The following AKT3 variants were observed in gnomAD, a reference collection of about 807,000 sequenced individuals.
AKT3 encodes the protein RAC-gamma serine/threonine-protein kinase.
AKT3 carries 15 observed loss-of-function variants against 65.3 expected under a neutral mutation model. That is an observed-to-expected ratio of 0.23 (90% CI 0.15 to 0.35). The LOEUF is 0.35. Among genes scored for constraint, AKT3 ranks in the 10% least tolerant of loss-of-function variants. AKT3 has a pLI of 1.00. For missense variants in AKT3, 243 were observed against 576.5 expected, an observed-to-expected ratio of 0.42 and a Z score of 5.92; for synonymous variants, 206 against 183.8, an observed-to-expected ratio of 1.12 and a Z score of -0.98.
chr1:243,742,265 T>A (rs990938042), intron 2 of AKT3, among the ~76,000 whole-genome samples: 1 of 152,100 alleles, frequency 6.6e-6, no homozygotes, highest in Admixed American at 6.5e-5. Flanking sequence ...AAAATTTTTT[T>A]AAAAAAGCAA....
At chr1:243,660,362 A>G (rs1212629591) in intron 4 of AKT3, among the ~76,000 whole-genome samples, 3 of 152,200 alleles carry the variant, frequency 2.0e-5, no homozygotes, top group African/African-American at 7.2e-5. Flanking sequence ...CTTATCCACC[A>G]TGATCAAGTG....
chr1:243,641,768 C>A (rs1196289774), intron 5 of AKT3, among the ~76,000 whole-genome samples: 2 of 151,886 alleles, frequency 1.3e-5, no homozygotes, highest in African/African-American at 2.4e-5. Flanking sequence ...AACCCTGTCT[C>A]TACAAAAAAA....
At chr1:243,665,372 C>G (rs533295535) in intron 3 of AKT3, among the ~76,000 whole-genome samples, 1 of 152,260 alleles carries the variant, frequency 6.6e-6, no homozygotes, top group South Asian at 2.1e-4. Flanking sequence ...GACTATCTTA[C>G]AGTATTACTT....
intron 8 of AKT3, among the ~76,000 whole-genome samples, chr1:243,575,281 T>C (rs1351394253): frequency 6.6e-6 from 1 of 152,152 alleles, no homozygotes; most frequent in African/African-American, 2.4e-5. Context: ...AGTTTCTACT[T>C]TGGCTCTGAA....
In AKT3 at chr1:243,677,604, G is replaced by A. The variant is rs895799733; in HGVS notation, c.173-12721C>T. On this transcript the variant is annotated intron_variant, in intron 3 of 13. Transcript: ENST00000673466. ...TCCTAATCATATTTTTGATTTTGGA[G>A]CAACAGCTCTAATACTTGAGATATT... is the stretch of plus-strand genomic sequence containing the variant. Among the ~76,000 whole-genome samples the A allele has an allele frequency of 1.2e-4, 18 of 151,948 alleles. 1 individual carries two copies. The highest frequency in any genetic ancestry group is 4.3e-4 in the African/African-American group (18 of 41,452).
At chr1:243,649,954 G>C (rs1452212389) in intron 4 of AKT3, among the ~76,000 whole-genome samples, 1 of 152,142 alleles carries the variant, frequency 6.6e-6, no homozygotes, top group African/African-American at 2.4e-5. Flanking sequence ...AGGTCAAATG[G>C]TATTTCTAGT....
At chr1:243,499,712 A>T, downstream of AKT3, 1 of 1,465,266 alleles carries the variant, frequency 6.8e-7, no homozygotes, top group Non-Finnish European at 9.6e-7. Context: ...AATAACATTG[A>T]AGAACATGAG....
At chr1:243,824,994 A>G (rs544749265) in intron 2 of AKT3, among the ~76,000 whole-genome samples, 2 of 152,312 alleles carry the variant, frequency 1.3e-5, no homozygotes, top group African/African-American at 4.8e-5. Context: ...AAAGACATGG[A>G]ATCAACCCAA....
intron 8 of AKT3, among the ~76,000 whole-genome samples, chr1:243,601,798 G>A (rs1558645362): frequency 1.3e-5 from 2 of 152,136 alleles, no homozygotes; most frequent in African/African-American, 4.8e-5. Context: ...AGTGAAAAAT[G>A]GAGAACACAA....
intron 4 of AKT3, among the ~76,000 whole-genome samples, chr1:243,650,047 C>G (rs1471667540): frequency 6.6e-6 from 1 of 152,168 alleles, no homozygotes; most frequent in African/African-American, 2.4e-5. Flanking sequence ...AATAGCATTC[C>G]TATTTCTCCA....
intron 2 of AKT3, among the ~76,000 whole-genome samples, chr1:243,757,584 C>G (rs1358043520): frequency 1.3e-5 from 2 of 152,018 alleles, no homozygotes; most frequent in East Asian, 1.9e-4. Flanking sequence ...TGCCACTGCA[C>G]TCCAGCCCAG....
At chr1:243,663,783 G>T (rs11578053) in intron 4 of AKT3, among the ~76,000 whole-genome samples, 3,135 of 152,220 alleles carry the variant, frequency 0.021, 55 homozygotes, top group Admixed American at 0.035. Context: ...TGCTGATTAG[G>T]ATCAAATATA....
chr1:243,681,312 A>G (rs1572160788), intron 3 of AKT3, among the ~76,000 whole-genome samples: 1 of 152,226 alleles, frequency 6.6e-6, no homozygotes, highest in African/African-American at 2.4e-5. Context: ...TTACTATACT[A>G]CTCCACAATA....
At chr1:243,656,053 T>C (rs1003181370) in intron 4 of AKT3, among the ~76,000 whole-genome samples, 2 of 143,928 alleles carry the variant, frequency 1.4e-5, no homozygotes, top group Non-Finnish European at 3.0e-5. Context: ...TAATTCACCA[T>C]AATTCATGAT....
At chr1:243,785,249 T>TG (rs1558808404) in intron 2 of AKT3, among the ~76,000 whole-genome samples, 3 of 151,524 alleles carry the variant, frequency 2.0e-5, no homozygotes, top group African/African-American at 7.3e-5. Context: ...TTTTTTTTTT[T>TG]TTGTATTTTT....
At chr1:243,778,495 T>C (rs577838327) in intron 2 of AKT3, among the ~76,000 whole-genome samples, 1 of 152,122 alleles carries the variant, frequency 6.6e-6, no homozygotes, top group African/African-American at 2.4e-5. Context: ...AAATTCAGTG[T>C]CACTAGAATG....
intron 10 of AKT3, among the ~76,000 whole-genome samples, chr1:243,560,679 TAAAGAG>T (rs1382712276): frequency 3.9e-5 from 6 of 152,286 alleles, no homozygotes; most frequent in African/African-American, 1.2e-4. Context: ...TTCTTGTCTT[TAAAGAG>T]AAACTGATAA....
At chr1:243,652,110 G>A (rs1479965483) in intron 4 of AKT3, among the ~76,000 whole-genome samples, 1 of 149,624 alleles carries the variant, frequency 6.7e-6, no homozygotes, top group Non-Finnish European at 1.5e-5. Context: ...GTGCAGTAGT[G>A]CAATCTTGGC....
chr1:243,727,836 T>G (rs373580901), intron 2 of AKT3, among the ~76,000 whole-genome samples: 5 of 152,148 alleles, frequency 3.3e-5, no homozygotes, highest in Non-Finnish European at 7.4e-5. Flanking sequence ...ACTAAAAAAT[T>G]TGATATAATC....
Sources: gnomAD v4.1 joint callset for allele counts (sites outside exome capture counted in the v4.1 genomes callset) on GRCh38, gnomAD v4.1.1 for gene constraint, MANE v1.5 for transcripts, NCBI Gene and HGNC (gene_info 2026-07-23, HGNC 2026-07-21) for gene names.